The following FAM120A variants were observed in gnomAD, a reference collection of about 807,000 sequenced individuals.
The protein encoded by FAM120A is constitutive coactivator of PPAR-gamma-like protein 1.
A neutral mutation model predicts 109.7 loss-of-function variants in FAM120A; 15 were observed. That is an observed-to-expected ratio of 0.14 (90% CI 0.09 to 0.21). The LOEUF (loss-of-function observed/expected upper bound fraction) is 0.21, where lower values mean the gene tolerates loss of function less well. FAM120A is among the 10% of genes least tolerant of loss of function. FAM120A has a pLI of 1.00. For missense variants in FAM120A, 899 were observed against 1,439.3 expected (o/e 0.62, Z 6.07); for synonymous variants, 493 against 572.8 (o/e 0.86, Z 1.99).
chr9:93,540,223 C>T (rs1470482017), intron 10 of FAM120A, among the ~76,000 whole-genome samples: 1 of 152,204 alleles, frequency 6.6e-6, no homozygotes, highest in East Asian at 1.9e-4. Context: ...GTAGATGTTC[C>T]ATAAATACTT....
At chr9:93,487,011 T>C (rs776562094) in intron 3 of FAM120A, among the ~76,000 whole-genome samples, 8 of 152,256 alleles carry the variant, frequency 5.3e-5, no homozygotes, top group Non-Finnish European at 8.8e-5. Context: ...ATTTTTGTTT[T>C]GATTTGCATT....
intron 5 of FAM120A, among the ~76,000 whole-genome samples, chr9:93,507,158 C>T (rs906814731): frequency 4.6e-5 from 7 of 152,100 alleles, no homozygotes; most frequent in Non-Finnish European, 8.8e-5. Flanking sequence ...GTGGGAAACT[C>T]TTTCAGTATT....
chr9:93,511,596 T>G (rs1304408378), intron 5 of FAM120A, among the ~76,000 whole-genome samples: 3 of 152,258 alleles, frequency 2.0e-5, no homozygotes, highest in Non-Finnish European at 4.4e-5. Context: ...ACTTTTTATC[T>G]TCTGTAGACT....
At chr9:93,504,182 A>G (rs1859931643) in intron 5 of FAM120A, among the ~76,000 whole-genome samples, 1 of 152,164 alleles carries the variant, frequency 6.6e-6, no homozygotes, top group Non-Finnish European at 1.5e-5. Context: ...GTCCTGAGTT[A>G]GGAGGACATA....
At chr9:93,542,584 CTT>C (rs1031370275) in intron 10 of FAM120A, among the ~76,000 whole-genome samples, 1 of 152,180 alleles carries the variant, frequency 6.6e-6, no homozygotes, top group African/African-American at 2.4e-5. Flanking sequence ...TGTTGGATAA[CTT>C]TACACTCTGT....
At chr9:93,475,953 G>T (rs559069882) in intron 2 of FAM120A, among the ~76,000 whole-genome samples, 25 of 152,284 alleles carry the variant, frequency 1.6e-4, no homozygotes, top group Non-Finnish European at 3.2e-4. Context: ...TTGATATCCT[G>T]ACATTGTCAG....
chr9:93,549,704 C>T (rs973459646), intron 11 of FAM120A, among the ~76,000 whole-genome samples: 4 of 152,176 alleles, frequency 2.6e-5, no homozygotes, highest in South Asian at 4.1e-4. Context: ...GAGATCACGT[C>T]GTAATCTATC....
rs1859662677 is a variant in FAM120A, at chr9:93,498,377, A to G, written c.934-413A>G. Among the ~76,000 whole-genome samples the G allele has an allele frequency of 6.6e-6, 1 of 152,190 alleles. No individual in the cohort carries two copies. Reference sequence around the variant, plus strand: ...CACCGCACTCCAGCCTGGGTGAAAGAGCGAAACTCCGTCTCAGAAGAAAAA... The same window carrying G: ...CACCGCACTCCAGCCTGGGTGAAAGGGCGAAACTCCGTCTCAGAAGAAAAA... On this transcript the variant is annotated intron_variant, in intron 4 of 17. Coordinates refer to ENST00000277165, the MANE Select transcript of FAM120A (RefSeq NM_014612.5). The surrounding 1 kb of genome is among the most constrained non-coding windows in gnomAD (Gnocchi z 4.4).
intron 1 of FAM120A, among the ~76,000 whole-genome samples, chr9:93,463,457 T>A (rs1588782087): frequency 6.6e-6 from 1 of 152,372 alleles, no homozygotes; most frequent in South Asian, 2.1e-4. Flanking sequence ...TGCTGCTATG[T>A]GTCATAACAT....
intron 11 of FAM120A, among the ~76,000 whole-genome samples, chr9:93,546,625 C>T (rs963999064): frequency 1.3e-5 from 2 of 152,202 alleles, no homozygotes; most frequent in Non-Finnish European, 2.9e-5. Flanking sequence ...TTGCTCCTCT[C>T]GATGCCTGGG....
chr9:93,451,812 G>A lies in FAM120A; in HGVS notation c.-104G>A. 1.1e-6 allele frequency: 1 copy of A among 916,002 alleles called. No individual in the cohort carries two copies. The allele number at this position is 916,002 out of a possible 1,614,324, so 56.7% of individuals were successfully genotyped here. A position where few individuals can be genotyped will look rare whatever the true frequency, so the allele number is the denominator to read the frequency against. On this transcript the variant is annotated 5_prime_UTR_variant, in exon 1 of 18. The change abolishes the stop of an existing upstream ORF in the 5' untranslated region. Transcript: ENST00000277165. The stretch of plus-strand genomic sequence containing the variant: ...CCCCGACCCGCCCCAGTCCCCCCTA[G>A]AGGCCGCCGCCCCCGCCCGCCAGCC...
intron 17 of FAM120A, among the ~76,000 whole-genome samples, chr9:93,562,578 T>C (rs1044853656): frequency 2.0e-5 from 3 of 152,180 alleles, no homozygotes; most frequent in Non-Finnish European, 4.4e-5. Context: ...TGTGACACGA[T>C]GGGCTTGGCT....
In FAM120A at chr9:93,487,635, G is replaced by A. The variant is rs117533439; in HGVS notation, c.805-9836G>A. 9.2e-3 allele frequency among the ~76,000 whole-genome samples: 1,405 copies of A among 152,240 alleles called. 7 individuals carry two copies. Among genetic ancestry groups the A allele is most frequent in the South Asian group, 0.029 (138 of 4,826 alleles). ...ACATTTATGTAAAACTCTAGAAAAG[G>A]CAAAACAATAGTGATAGAAAGTAGA... On this transcript the variant is annotated intron_variant, in intron 3 of 17. Coordinates refer to ENST00000277165, the MANE Select transcript of FAM120A (RefSeq NM_014612.5).
intron 10 of FAM120A, among the ~76,000 whole-genome samples, chr9:93,539,471 AG>A (rs1861624143): frequency 6.6e-6 from 1 of 152,240 alleles, no homozygotes; most frequent in Non-Finnish European, 1.5e-5. Flanking sequence ...AGAGGTTTTC[AG>A]TTAGATGAGC....
chr9:93,516,984 A>G (rs1860625449), intron 7 of FAM120A, among the ~76,000 whole-genome samples: 1 of 152,192 alleles, frequency 6.6e-6, no homozygotes, highest in African/African-American at 2.4e-5. Flanking sequence ...ACTCTACTTT[A>G]CAGCGCAGAT....
chr9:93,523,350 A>T (rs1443992607), intron 7 of FAM120A: 2 of 1,287,970 alleles, frequency 1.6e-6, no homozygotes, highest in Non-Finnish European at 2.0e-6. Context: ...CTGCTCCAGG[A>T]TCCTGAGGCA....
Position 93,543,449 on chromosome 9 carries a change from A to T in FAM120A, c.2137A>T (p.Met713Leu), listed in dbSNP as rs1476160024. ...CCCTGCCAACGTGCCCACTCACCTC[A>T]TGGTGCTCTGCTGCGTCTTACGGTG... is the stretch of plus-strand genomic sequence containing the variant. ...LNPANVPTHLMVLCCVLRYMV... is the reference protein window; with the variant it reads ...LNPANVPTHLLVLCCVLRYMV... The change falls in exon 11 of 18, where the codon ATG (methionine) becomes TTG (leucine). Residue 713 changes from methionine (M) to leucine (L), a missense_variant. Coordinates refer to ENST00000277165, the MANE Select transcript of FAM120A (RefSeq NM_014612.5). The T allele has an allele frequency of 6.2e-7, 1 of 1,614,040 alleles. No individual in the cohort carries two copies. The highest frequency in any genetic ancestry group is 1.1e-5 in the South Asian group (1 of 91,060).
In FAM120A at chr9:93,529,443, C is replaced by T. The variant is rs1367197025; in HGVS notation, c.1597C>T (p.Leu533=). 1 of 1,614,136 alleles carries T rather than the reference C, an allele frequency of 6.2e-7. No individual in the cohort carries two copies. The highest frequency in any genetic ancestry group is 8.5e-7 in the Non-Finnish European group (1 of 1,180,056). ...MGTVQPIPCL[L]SMPTRNHMDI... ...CACTGTCCAGCCAATCCCGTGCCTC[C>T]TGTCGATGCCCACCAGGAACCACAT... is the stretch of plus-strand genomic sequence containing the variant. The change falls in exon 9 of 18, where the codon CTG becomes TTG. Residue 533 remains leucine, a synonymous_variant. Coordinates refer to ENST00000277165, the MANE Select transcript of FAM120A (RefSeq NM_014612.5).
At chr9:93,534,857 G>A (rs909235880) in intron 10 of FAM120A, among the ~76,000 whole-genome samples, 1 of 152,088 alleles carries the variant, frequency 6.6e-6, no homozygotes, top group South Asian at 2.1e-4. Context: ...GGAAGGATTG[G>A]GGGTAAGGAT....
Sources: allele counts gnomAD v4.1 joint callset (sites outside exome capture counted in the v4.1 genomes callset), GRCh38; gene constraint gnomAD v4.1.1; non-coding constraint Gnocchi (gnomAD v3.1); transcripts MANE v1.5; gene names NCBI Gene and HGNC (gene_info 2026-07-23, HGNC 2026-07-21).